ATP6V0A4: variants seen among roughly 807,000 people sequenced by gnomAD.
ATP6V0A4 encodes the protein ATPase H+ transporting V0 subunit a4, also known as V-type proton ATPase 116 kDa subunit a 4.
In ATP6V0A4, 86 loss-of-function variants were observed where a neutral mutation model predicts 107.3. The ratio of observed to expected loss-of-function variants is 0.80; its 90% confidence interval spans 0.67 to 0.96. The LOEUF is 0.96. ATP6V0A4 is among the 40% of genes least tolerant of loss of function. The probability of loss-of-function intolerance (pLI) is 0.00; values close to 1 mark genes in which losing one functional copy is unlikely to be tolerated. For synonymous variants in ATP6V0A4, 353 were observed against 381.4 expected, an observed-to-expected ratio of 0.93 and a Z score of 0.87; for missense variants, 908 against 1,045.6, an observed-to-expected ratio of 0.87 and a Z score of 1.81.
chr7:138,794,434 T>G (rs757574731), intron 1 of ATP6V0A4, among the ~76,000 whole-genome samples: 8 of 152,226 alleles, frequency 5.3e-5, no homozygotes, highest in Non-Finnish European at 1.0e-4. Flanking sequence ...GGCCACAGAC[T>G]GCAGGTTTTC....
intron 7 of ATP6V0A4, 66 bp from the exon 8 acceptor site, chr7:138,759,944 T>C (rs1230218519): frequency 1.2e-6 from 2 of 1,611,106 alleles, no homozygotes; most frequent in African/African-American, 1.3e-5. Context: ...GAAGGCCCTG[T>C]AGGACGTGAA....
At chr7:138,760,338 G>A (rs1806740405) in intron 7 of ATP6V0A4, among the ~76,000 whole-genome samples, 1 of 151,444 alleles carries the variant, frequency 6.6e-6, no homozygotes, top group South Asian at 2.1e-4. Context: ...AGCTACTCAG[G>A]AGGCTGAGGT....
chr7:138,766,200 A>ATTTT (rs1398843206), intron 5 of ATP6V0A4, among the ~76,000 whole-genome samples: 23 of 84,312 alleles, frequency 2.7e-4, no homozygotes, highest in Non-Finnish European at 3.0e-4. Flanking sequence ...TCATGTTATT[A>ATTTT]TTATTTTTTT....
intron 14 of ATP6V0A4, among the ~76,000 whole-genome samples, chr7:138,744,169 C>A (rs1021807819): frequency 2.0e-5 from 3 of 152,090 alleles, no homozygotes; most frequent in African/African-American, 7.2e-5. Flanking sequence ...TGTCCCCTGC[C>A]CCCAACTCTG....
chr7:138,759,052 A>ATTTTTTTTTTTTTT (rs33940158), intron 8 of ATP6V0A4, among the ~76,000 whole-genome samples: 4 of 54,570 alleles, frequency 7.3e-5, no homozygotes, highest in African/African-American at 3.5e-4. Context: ...TGCCCAGCCT[A>ATTTTTTTTTTTTTT]TTTTTTTTTT....
intron 18 of ATP6V0A4, among the ~76,000 whole-genome samples, chr7:138,723,499 C>T (rs1343600456): frequency 2.7e-5 from 4 of 149,892 alleles, no homozygotes; most frequent in East Asian, 1.9e-4. Flanking sequence ...TAGGCATCAA[C>T]GTATCTGGAC....
intron 1 of ATP6V0A4, among the ~76,000 whole-genome samples, chr7:138,794,043 C>G (rs1481304705): frequency 6.6e-6 from 1 of 152,196 alleles, no homozygotes; most frequent in African/African-American, 2.4e-5. Flanking sequence ...CTCTTGTTCT[C>G]TCCAAATTAC....
chr7:138,732,554 G>A (rs564775348), intron 17 of ATP6V0A4, among the ~76,000 whole-genome samples: 2 of 152,208 alleles, frequency 1.3e-5, no homozygotes, highest in South Asian at 2.1e-4. Context: ...AGCATTTTGC[G>A]AGGCCAAAGC....
chr7:138,723,962 T>C (rs1804569828), intron 18 of ATP6V0A4, among the ~76,000 whole-genome samples: 1 of 150,912 alleles, frequency 6.6e-6, no homozygotes, highest in Non-Finnish European at 1.5e-5. Flanking sequence ...AAATAAAATA[T>C]GTTTCATGTT....
chr7:138,751,656 C>G (rs1462659341), intron 11 of ATP6V0A4, among the ~76,000 whole-genome samples: 2 of 151,902 alleles, frequency 1.3e-5, no homozygotes, highest in Non-Finnish European at 2.9e-5. Context: ...TAGATCCGTT[C>G]CTAGTACACA....
chr7:138,774,636 A>ATG (rs1408590192), intron 2 of ATP6V0A4, among the ~76,000 whole-genome samples: 1 of 147,368 alleles, frequency 6.8e-6, no homozygotes, highest in Non-Finnish European at 1.5e-5. Flanking sequence ...TATACATTAT[A>ATG]TATATTATAT....
chr7:138,767,400 G>A (rs533181620), intron 5 of ATP6V0A4, among the ~76,000 whole-genome samples: 1 of 152,122 alleles, frequency 6.6e-6, no homozygotes. Flanking sequence ...GCGCATGCCT[G>A]TAATCCCAGC....
chr7:138,795,291 C>T, intron 1 of ATP6V0A4, among the ~76,000 whole-genome samples: 1 of 152,142 alleles, frequency 6.6e-6, no homozygotes, highest in East Asian at 1.9e-4. Context: ...AACAGTCCGA[C>T]ATCACATAAC....
chr7:138,747,319 C>T lies in ATP6V0A4; in HGVS notation c.1320+106G>A, dbSNP rs912542521. ...AATTTGGCTCTTTTTTACTTTCCTTCTCTCCTTTATTTTTCATAAAAATGT... is the reference window on the plus strand; with the variant it reads ...AATTTGGCTCTTTTTTACTTTCCTTTTCTCCTTTATTTTTCATAAAAATGT... On this transcript the variant is annotated intron_variant, in intron 13 of 21. Transcript: ENST00000310018. 2.8e-6 allele frequency: 4 copies of T among 1,410,676 alleles called. No individual in the cohort carries two copies. In the East Asian group the frequency reaches 7.1e-5, roughly 25 times the overall value. The allele number at this position is 1,410,676 out of a possible 1,614,324, so 87.4% of individuals were successfully genotyped here. A position where few individuals can be genotyped will look rare whatever the true frequency, so the allele number is the denominator to read the frequency against.
At chr7:138,755,867 C>T in intron 9 of ATP6V0A4, 85 bp from the exon 10 acceptor site, 1 of 1,560,918 alleles carries the variant, frequency 6.4e-7, no homozygotes, top group Non-Finnish European at 8.6e-7. Context: ...ACATCGTTTG[C>T]TGACTTTAGT....
chr7:138,752,316 G>A (rs1393828655), intron 11 of ATP6V0A4, among the ~76,000 whole-genome samples: 3 of 151,816 alleles, frequency 2.0e-5, no homozygotes, highest in African/African-American at 7.3e-5. Context: ...GTTGCAGTGA[G>A]CCGAGACTGT....
chr7:138,730,039 A>T (rs1229273259), intron 17 of ATP6V0A4, among the ~76,000 whole-genome samples: 1 of 152,070 alleles, frequency 6.6e-6, no homozygotes, highest in African/African-American at 2.4e-5. Context: ...ATGTGCCACC[A>T]CACCCGGCTA....
At chr7:138,738,483 C>A (rs1048738982) in intron 15 of ATP6V0A4, among the ~76,000 whole-genome samples, 1 of 152,178 alleles carries the variant, frequency 6.6e-6, no homozygotes, top group Non-Finnish European at 1.5e-5. Flanking sequence ...TCTCCACCTG[C>A]TTACTAAACA....
intron 5 of ATP6V0A4, among the ~76,000 whole-genome samples, chr7:138,764,439 G>A (rs939115276): frequency 6.6e-6 from 1 of 151,818 alleles, no homozygotes; most frequent in Non-Finnish European, 1.5e-5. Context: ...TGAAACTATA[G>A]AACAAAGATA....
Sources: gnomAD v4.1 joint callset for allele counts (sites outside exome capture counted in the v4.1 genomes callset) on GRCh38, gnomAD v4.1.1 for gene constraint, MANE v1.5 for transcripts, NCBI Gene and HGNC (gene_info 2026-07-23, HGNC 2026-07-21) for gene names.